ADAM28: variants seen among roughly 807,000 people sequenced by gnomAD.
The protein encoded by ADAM28 is disintegrin and metalloproteinase domain-containing protein 28.
ADAM28 carries 105 observed loss-of-function variants against 101.2 expected under a neutral mutation model. That is an observed-to-expected ratio of 1.04 (90% CI 0.89 to 1.22). The LOEUF is 1.22. Among genes scored for constraint, ADAM28 ranks in the 50% most tolerant of loss-of-function variants. ADAM28 has a pLI of 0.00. For synonymous variants in ADAM28, 322 were observed against 310.6 expected (o/e 1.04, Z -0.39); for missense variants, 1,028 against 945.4 (o/e 1.09, Z -1.15).
chr8:24,304,952 C>G (rs979836133), intron 2 of ADAM28, among the ~76,000 whole-genome samples: 1 of 151,336 alleles, frequency 6.6e-6, no homozygotes, highest in Non-Finnish European at 1.5e-5. Flanking sequence ...TATGGTGCTG[C>G]CCTGTGTAGC....
chr8:24,330,174 G>C (rs1813186071), intron 11 of ADAM28, 59 bp downstream of exon 11: 1 of 1,556,810 alleles, frequency 6.4e-7, no homozygotes, highest in Non-Finnish European at 8.7e-7. Context: ...TCCACTGTGG[G>C]CTGTACTACT....
intron 2 of ADAM28, among the ~76,000 whole-genome samples, chr8:24,306,943 C>T (rs962303575): frequency 2.0e-5 from 3 of 152,302 alleles, no homozygotes; most frequent in East Asian, 1.9e-4. Context: ...GTTTTACAAA[C>T]ATAGACTGAA....
chr8:24,314,101 G>C lies in ADAM28; in HGVS notation c.576+521G>C, dbSNP rs570253153. Among the ~76,000 whole-genome samples the C allele has an allele frequency of 4.6e-5, 7 of 152,276 alleles. No individual in the cohort carries two copies. In the East Asian group the frequency reaches 1.2e-3, roughly 25 times the overall value. ...AGCAATGTACAAAGGTTAAAAATAAGTGTAAAATATAACTGCCCTCTAGAA... is the reference window on the plus strand; with the variant it reads ...AGCAATGTACAAAGGTTAAAAATAACTGTAAAATATAACTGCCCTCTAGAA... On this transcript the variant is annotated intron_variant, in intron 6 of 22. Coordinates refer to ENST00000265769, the MANE Select transcript of ADAM28 (RefSeq NM_014265.6).
At chr8:24,321,690 A>C (rs1263147139) in intron 8 of ADAM28, among the ~76,000 whole-genome samples, 1 of 151,968 alleles carries the variant, frequency 6.6e-6, no homozygotes, top group East Asian at 1.9e-4. Flanking sequence ...ACCCAGAACA[A>C]CGCTAAATGT....
rs186215503 is a variant in ADAM28, at chr8:24,345,578, A to G, written c.1990+1994A>G. On this transcript the variant is annotated intron_variant, in intron 18 of 22. Coordinates refer to ENST00000265769, the MANE Select transcript of ADAM28 (RefSeq NM_014265.6). ...TGTTTCACATCTGTCTAGCTTTTTT[A>G]CAGTCTATATTTTAATTGCATTGAG... 3.7e-3 allele frequency among the ~76,000 whole-genome samples: 566 copies of G among 151,916 alleles called. 9 individuals are homozygous for G. Among genetic ancestry groups the G allele is most frequent in the South Asian group, 0.02 (97 of 4,822 alleles).
intron 16 of ADAM28, among the ~76,000 whole-genome samples, chr8:24,342,781 G>A (rs1426867817): frequency 2.0e-5 from 3 of 152,268 alleles, no homozygotes; most frequent in South Asian, 2.1e-4. Flanking sequence ...GAATTGAGAT[G>A]TTTCTGGGTC....
rs188338152 is a variant in ADAM28, at chr8:24,299,114, G to A, written c.47-860G>A. Reference sequence around the variant, plus strand: ...AGGCTGAGGTGGAAGGATGGCTTGAGCCCAGGATGTTGAGGCTGCAGTGAA... The same window carrying A: ...AGGCTGAGGTGGAAGGATGGCTTGAACCCAGGATGTTGAGGCTGCAGTGAA... On this transcript the variant is annotated intron_variant, in intron 1 of 22. Transcript: ENST00000265769. Among the ~76,000 whole-genome samples the A allele has an allele frequency of 8.6e-4, 131 of 152,124 alleles. 1 individual carries two copies. In the Middle Eastern group the frequency reaches 0.045, roughly 52 times the overall value.
intron 18 of ADAM28, among the ~76,000 whole-genome samples, chr8:24,345,451 CA>C (rs776723284): frequency 3.9e-5 from 6 of 151,912 alleles, no homozygotes; most frequent in Non-Finnish European, 8.8e-5. Context: ...CATTTTTTAG[CA>C]ATGTTAATTC....
chr8:24,318,563 C>CA (rs745961729), intron 6 of ADAM28, among the ~76,000 whole-genome samples: 3 of 152,020 alleles, frequency 2.0e-5, no homozygotes, highest in Non-Finnish European at 2.9e-5. Flanking sequence ...TCTACTCAAA[C>CA]ACCTGATATC....
At chr8:24,321,559 A>C (rs1563290895) in intron 8 of ADAM28, 2 of 405,224 alleles carry the variant, frequency 4.9e-6, no homozygotes. Flanking sequence ...ATTTTCCAAA[A>C]ATCCGCTAAG....
At chr8:24,324,736 G>T (rs372960302) in intron 9 of ADAM28, among the ~76,000 whole-genome samples, 11 of 152,050 alleles carry the variant, frequency 7.2e-5, no homozygotes, top group African/African-American at 2.6e-4. Context: ...GGGCTCATCT[G>T]GCTGGAACAG....
intron 6 of ADAM28, among the ~76,000 whole-genome samples, chr8:24,316,178 T>C (rs372699792): frequency 5.9e-5 from 9 of 151,946 alleles, no homozygotes; most frequent in African/African-American, 2.2e-4. Flanking sequence ...GTAAACATTC[T>C]ATAGCAGCTA....
chr8:24,350,822 G>A (rs973902815), intron 19 of ADAM28, among the ~76,000 whole-genome samples: 11 of 151,410 alleles, frequency 7.3e-5, no homozygotes, highest in Middle Eastern at 3.2e-3. Context: ...GTAAGTGGTG[G>A]AGGCTGGGTT....
chr8:24,320,276 T>G lies in ADAM28; in HGVS notation c.617T>G (p.Ile206Arg). 2 of 1,603,752 alleles carry G rather than the reference T, an allele frequency of 1.2e-6. No homozygotes were observed. Among genetic ancestry groups the G allele is most frequent in the African/African-American group, 1.3e-5 (1 of 74,594 alleles). Residue 206 changes from isoleucine to arginine, a missense_variant, in exon 7 of 23, where the codon ATA becomes AGA. Ile to Arg is a moderately conservative substitution (Grantham distance 97, BLOSUM62 -3). Coordinates refer to ENST00000265769, the MANE Select transcript of ADAM28 (RefSeq NM_014265.6). ...AAGGTTCAGGAACATGAGAAATACA[T>G]AGAATATTATTTGGTCCTGGATAAT... ...DRKVQEHEKY[I>R]EYYLVLDNGE...
intron 2 of ADAM28, among the ~76,000 whole-genome samples, chr8:24,304,995 A>G (rs1213724821): frequency 1.3e-5 from 2 of 151,672 alleles, no homozygotes; most frequent in Admixed American, 6.6e-5. Flanking sequence ...ACTAATTTTC[A>G]GTTTTTGTGG....
chr8:24,335,428 A>T lies in ADAM28; in HGVS notation c.1372-18A>T, dbSNP rs372216468. On this transcript the variant is annotated intron_variant, in intron 13 of 22. Coordinates refer to ENST00000265769, the MANE Select transcript of ADAM28 (RefSeq NM_014265.6). ...AGGTAGGGAGAATAAAAAGCCTTCT[A>T]TTTTTGTTTTTCTACAGTTTAAAAA... 6.3e-7 allele frequency: 1 copy of T among 1,583,630 alleles called. No individual in the cohort carries two copies.
At chr8:24,301,136 T>A (rs142277659) in intron 2 of ADAM28, among the ~76,000 whole-genome samples, 1 of 152,184 alleles carries the variant, frequency 6.6e-6, no homozygotes, top group Non-Finnish European at 1.5e-5. Context: ...TCCAGCACAC[T>A]CGGTGCACAT....
At position 24,310,160 on chromosome 8, in the gene ADAM28, C is replaced by G; in HGVS notation, c.228-3C>G. ...CACAACATTTTTGTGTTTCTTTCTC[C>G]AGGAACCTCCTTGCACCAGGCTACA... is the stretch of plus-strand genomic sequence containing the variant. On this transcript the variant is annotated splice_region_variant and splice_polypyrimidine_tract_variant and intron_variant, in intron 3 of 22. Transcript: ENST00000265769. The G allele has an allele frequency of 6.2e-7, 1 of 1,613,110 alleles. No individual in the cohort carries two copies. The highest frequency in any genetic ancestry group is 1.7e-5 in the Admixed American group (1 of 59,896).
At chr8:24,351,659 A>G in intron 20 of ADAM28, 1 of 462,250 alleles carries the variant, frequency 2.2e-6, no homozygotes, top group Non-Finnish European at 3.9e-6. Flanking sequence ...AAAAATATGT[A>G]TGTCTGTATG....
Sources: gnomAD v4.1 joint callset for allele counts (sites outside exome capture counted in the v4.1 genomes callset) on GRCh38, gnomAD v4.1.1 for gene constraint, MANE v1.5 for transcripts, NCBI Gene and HGNC (gene_info 2026-07-23, HGNC 2026-07-21) for gene names.